SMAP1: variants seen among roughly 807,000 people sequenced by gnomAD.
SMAP1 encodes small ArfGAP 1, also known as stromal membrane-associated protein 1.
SMAP1 carries 24 observed loss-of-function variants against 58.5 expected under a neutral mutation model. That is an observed-to-expected ratio of 0.41 (90% CI 0.30 to 0.58). The LOEUF (loss-of-function observed/expected upper bound fraction) is 0.58, where lower values mean the gene tolerates loss of function less well. Among genes scored for constraint, SMAP1 ranks in the 20% least tolerant of loss-of-function variants. The probability of loss-of-function intolerance (pLI) is 0.29; values close to 1 mark genes in which losing one functional copy is unlikely to be tolerated. For synonymous variants in SMAP1, 216 were observed against 196.6 expected (o/e 1.10, Z -0.82); for missense variants, 563 against 566.3 (o/e 0.99, Z 0.06).
intron 2 of SMAP1, among the ~76,000 whole-genome samples, chr6:70,753,603 G>A (rs1043325395): frequency 2.0e-5 from 3 of 152,078 alleles, no homozygotes; most frequent in Non-Finnish European, 2.9e-5. Context: ...CCCACACACA[G>A]AATTACGTAT....
intron 6 of SMAP1, among the ~76,000 whole-genome samples, chr6:70,827,078 A>G (rs984529966): frequency 6.6e-5 from 10 of 152,076 alleles, no homozygotes; most frequent in African/African-American, 2.4e-4. Flanking sequence ...ATGATCAGAT[A>G]GTAAGGTAGA....
chr6:70,758,592 A>G (rs1766615450), intron 3 of SMAP1, among the ~76,000 whole-genome samples: 1 of 152,060 alleles, frequency 6.6e-6, no homozygotes. Flanking sequence ...AGAAACATTA[A>G]CTTCCACTGT....
intron 1 of SMAP1, among the ~76,000 whole-genome samples, chr6:70,723,314 A>G (rs1440109993): frequency 6.6e-6 from 1 of 152,182 alleles, no homozygotes; most frequent in African/African-American, 2.4e-5. Context: ...TCTTAAACAT[A>G]CATTAAACAT....
chr6:70,825,838 C>T (rs1770091154), intron 6 of SMAP1, among the ~76,000 whole-genome samples: 2 of 152,192 alleles, frequency 1.3e-5, no homozygotes, highest in South Asian at 2.1e-4. Context: ...ACCTGCCTCT[C>T]ATTCACACAC....
chr6:70,668,551 C>T, intron 1 of SMAP1: 3 of 1,529,908 alleles, frequency 2.0e-6, no homozygotes, highest in Non-Finnish European at 2.6e-6. Context: ...TGGGGCCGCG[C>T]TTAGGTCTGG....
At chr6:70,746,309 T>G (rs1339393662) in intron 2 of SMAP1, among the ~76,000 whole-genome samples, 1 of 152,204 alleles carries the variant, frequency 6.6e-6, no homozygotes, top group Non-Finnish European at 1.5e-5. Flanking sequence ...GGCTGTGGGT[T>G]TGTCATAAAT....
intron 1 of SMAP1, among the ~76,000 whole-genome samples, chr6:70,716,645 G>A (rs1582051685): frequency 6.6e-6 from 1 of 151,860 alleles, no homozygotes; most frequent in Non-Finnish European, 1.5e-5. Context: ...GCTTGATCTA[G>A]TCTGTTACTG....
chr6:70,752,950 C>T (rs904894198), intron 2 of SMAP1, among the ~76,000 whole-genome samples: 1 of 151,966 alleles, frequency 6.6e-6, no homozygotes. Context: ...TTCCACATCA[C>T]CTCTACCTTT....
At chr6:70,736,645 T>G (rs1048922116) in intron 2 of SMAP1, among the ~76,000 whole-genome samples, 1 of 152,242 alleles carries the variant, frequency 6.6e-6, no homozygotes, top group African/African-American at 2.4e-5. Flanking sequence ...ATTGAAATAA[T>G]GAGCTGTTTG....
intron 1 of SMAP1, among the ~76,000 whole-genome samples, chr6:70,697,536 G>A (rs998786396): frequency 1.3e-5 from 2 of 152,150 alleles, no homozygotes; most frequent in Admixed American, 6.5e-5. Context: ...TTGAACTTCT[G>A]ACCTCGTGAT....
At chr6:70,735,587 T>C (rs1246788768) in intron 2 of SMAP1, among the ~76,000 whole-genome samples, 1 of 152,042 alleles carries the variant, frequency 6.6e-6, no homozygotes, top group African/African-American at 2.4e-5. Flanking sequence ...TGGCCAACAT[T>C]ACGAAGCCCC....
At chr6:70,758,319 A>G (rs1766597242) in intron 3 of SMAP1, among the ~76,000 whole-genome samples, 2 of 144,818 alleles carry the variant, frequency 1.4e-5, no homozygotes, top group Admixed American at 1.5e-4. Context: ...GAACTGAACA[A>G]TGAGATCACA....
intron 2 of SMAP1, among the ~76,000 whole-genome samples, chr6:70,750,758 T>C (rs1004623583): frequency 1.3e-5 from 2 of 152,130 alleles, no homozygotes; most frequent in Non-Finnish European, 2.9e-5. Context: ...ATAGTAAGGT[T>C]TAGGATTCTT....
At chr6:70,835,074 C>G (rs1481551604) in intron 6 of SMAP1, among the ~76,000 whole-genome samples, 1 of 139,842 alleles carries the variant, frequency 7.2e-6, no homozygotes, top group Non-Finnish European at 1.6e-5. Context: ...ACGGTGAAAC[C>G]CTGTTTCTAC....
intron 1 of SMAP1, among the ~76,000 whole-genome samples, chr6:70,674,397 G>A (rs760500163): frequency 6.6e-6 from 1 of 152,078 alleles, no homozygotes; most frequent in Non-Finnish European, 1.5e-5. Context: ...ACAGGTGTGA[G>A]CCACCACACC....
intron 6 of SMAP1, among the ~76,000 whole-genome samples, chr6:70,817,014 G>A (rs2149976951): frequency 6.6e-6 from 1 of 151,788 alleles, no homozygotes; most frequent in East Asian, 1.9e-4. Context: ...CATCTAACAA[G>A]TCCCCCCAGT....
intron 6 of SMAP1, among the ~76,000 whole-genome samples, chr6:70,822,947 C>T (rs549490885): frequency 4.6e-5 from 7 of 152,106 alleles, no homozygotes; most frequent in Admixed American, 2.0e-4. Context: ...CCACCAAAAG[C>T]GTTCTTCAAT....
At chr6:70,777,327 C>G (rs1196975772) in intron 4 of SMAP1, among the ~76,000 whole-genome samples, 1 of 152,138 alleles carries the variant, frequency 6.6e-6, no homozygotes, top group Admixed American at 6.5e-5. Flanking sequence ...CGGAGCTGTT[C>G]CTATTCGGCC....
At position 70,747,056 on chromosome 6, in the gene SMAP1, C is replaced by T. The variant is rs1338999551; in HGVS notation, c.253-7924C>T. ...ACATAATATTTTAGAGGTGTATTCA[C>T]TTTCCTGCTTTGTGTGAATATAATG... is the stretch of plus-strand genomic sequence containing the variant. On this transcript the variant is annotated intron_variant, in intron 2 of 10. Coordinates refer to ENST00000370455, the MANE Select transcript of SMAP1 (RefSeq NM_001044305.3). Among the ~76,000 whole-genome samples, 10 of 152,208 alleles carry T rather than the reference C, an allele frequency of 6.6e-5. No homozygotes were observed. In the East Asian group the frequency reaches 1.9e-3, roughly 29 times the overall value.
Sources: gnomAD v4.1 joint callset for allele counts (sites outside exome capture counted in the v4.1 genomes callset) on GRCh38, gnomAD v4.1.1 for gene constraint, MANE v1.5 for transcripts, NCBI Gene and HGNC (gene_info 2026-07-23, HGNC 2026-07-21) for gene names.